CPLANE1: variants seen among roughly 807,000 people sequenced by gnomAD.
The protein encoded by CPLANE1 is ciliogenesis and planar polarity effector 1.
In CPLANE1, 263 loss-of-function variants were observed where a neutral mutation model predicts 362.5. That is an observed-to-expected ratio of 0.73 (90% confidence interval 0.66 to 0.80). CPLANE1 has a LOEUF of 0.80. Ranked by LOEUF, CPLANE1 falls within the 30% of genes least tolerant of loss-of-function variation. The pLI is 0.00. For missense variants in CPLANE1, 3,461 were observed against 3,793.4 expected (o/e 0.91, Z 2.30); for synonymous variants, 1,212 against 1,302.6 (o/e 0.93, Z 1.50).
the CPLANE1 span, among the ~76,000 whole-genome samples, chr5:37,092,691 C>T: frequency 7.5e-4 from 115 of 152,336 alleles, no homozygotes; most frequent in African/African-American, 2.7e-3. Context: ...AAGTAAATTC[C>T]ATGCCACCTC....
chr5:37,242,326 C>G (rs1800742576), intron 6 of CPLANE1, among the ~76,000 whole-genome samples: 1 of 151,908 alleles, frequency 6.6e-6, no homozygotes, highest in Non-Finnish European at 1.5e-5. Context: ...TGCACTCCAG[C>G]CTGGGCGACA....
intron 46 of CPLANE1, 50 bp from the exon 47 acceptor site, chr5:37,125,459 A>G: frequency 1.1e-6 from 1 of 936,874 alleles, no homozygotes; most frequent in Non-Finnish European, 1.5e-6. Flanking sequence ...TTTGTTAAGC[A>G]GATAAGATAT....
chr5:37,229,340 T>C (rs1797185793), intron 9 of CPLANE1, among the ~76,000 whole-genome samples: 1 of 150,478 alleles, frequency 6.6e-6, no homozygotes. Flanking sequence ...GATCACAAGG[T>C]CAGTTTGAGA....
chr5:37,168,963 T>G lies in CPLANE1; in HGVS notation c.7061A>C (p.His2354Pro), dbSNP rs1580365486. The stretch of plus-strand genomic sequence containing the variant: ...TAGTAACGGAAGTCCAAAGGAATGG[T>G]GAGGAGATATCTCAAGGGTCCCTGG... ...VKPGTLEISP[H>P]HSFGLPLLYL... The change falls in exon 34 of 53, where the codon CAC (histidine) becomes CCC (proline). Residue 2354 changes from histidine (H) to proline (P), a missense_variant. By Grantham distance (77) the His-to-Pro change is moderately conservative (BLOSUM62 -2). This residue lies in a region of CPLANE1 where 3,380 missense variants were observed against 3,666.1 expected (regional missense o/e 0.92). Coordinates refer to ENST00000651892, the MANE Select transcript of CPLANE1 (RefSeq NM_001384732.1). 6.2e-7 allele frequency: 1 copy of G among 1,614,150 alleles called. No homozygotes were observed. Among genetic ancestry groups the G allele is most frequent in the Non-Finnish European group, 8.5e-7 (1 of 1,180,024 alleles).
At chr5:37,135,487 T>C (rs1258923466) in intron 46 of CPLANE1, among the ~76,000 whole-genome samples, 1 of 152,092 alleles carries the variant, frequency 6.6e-6, no homozygotes, top group Non-Finnish European at 1.5e-5. Context: ...CTTCTCCACA[T>C]GGTGGCAGGA....
intron 14 of CPLANE1, among the ~76,000 whole-genome samples, chr5:37,223,800 G>A (rs749466046): frequency 3.9e-5 from 6 of 152,112 alleles, no homozygotes; most frequent in Admixed American, 1.3e-4. Context: ...GTAAGAAGGT[G>A]GTGAAATATA....
At chr5:37,153,265 C>T (rs939052100) in intron 42 of CPLANE1, among the ~76,000 whole-genome samples, 2 of 152,040 alleles carry the variant, frequency 1.3e-5, no homozygotes, top group African/African-American at 4.8e-5. Flanking sequence ...GGGAAGATGG[C>T]TTCACTGAAT....
At chr5:37,173,688 T>G in intron 32 of CPLANE1, 67 bp downstream of exon 32, 2 of 1,264,426 alleles carry the variant, frequency 1.6e-6, no homozygotes, top group South Asian at 2.8e-5. Flanking sequence ...TGGAAATCTA[T>G]TAATATTTTA....
chr5:37,163,818 T>C (rs1184864084), intron 37 of CPLANE1, among the ~76,000 whole-genome samples: 2 of 152,144 alleles, frequency 1.3e-5, no homozygotes, highest in Non-Finnish European at 2.9e-5. Flanking sequence ...CAGCCCCCAA[T>C]TCACTCATCC....
At chr5:37,181,347 G>C (rs551517499) in intron 26 of CPLANE1, among the ~76,000 whole-genome samples, 18 of 152,292 alleles carry the variant, frequency 1.2e-4, no homozygotes, top group African/African-American at 4.3e-4. Context: ...ACATTCAGTA[G>C]TTATTTCAAA....
At chr5:37,183,771 T>A in intron 25 of CPLANE1, 72 bp from the exon 26 acceptor site, 2 of 1,062,488 alleles carry the variant, frequency 1.9e-6, no homozygotes, top group Non-Finnish European at 2.7e-6. Flanking sequence ...AGAATTGACA[T>A]GGAAAATTCT....
At chr5:37,089,678 T>C in the CPLANE1 span, among the ~76,000 whole-genome samples, 3 of 152,218 alleles carry the variant, frequency 2.0e-5, no homozygotes, top group African/African-American at 7.2e-5. Flanking sequence ...CCACGGCGAT[T>C]CCTCAAGATT....
chr5:37,178,655 A>C (rs1304414373), intron 29 of CPLANE1, among the ~76,000 whole-genome samples: 1 of 152,228 alleles, frequency 6.6e-6, no homozygotes, highest in East Asian at 1.9e-4. Flanking sequence ...CAATAATTGG[A>C]AATGTCTATG....
At chr5:37,143,054 G>A (rs1770280049) in intron 43 of CPLANE1, among the ~76,000 whole-genome samples, 1 of 152,166 alleles carries the variant, frequency 6.6e-6, no homozygotes, top group Admixed American at 6.5e-5. Flanking sequence ...TCAACTTTGA[G>A]AAATCAACAC....
At chr5:37,159,094 CTTTTTTTTTTTTTTT>C (rs34035923) in intron 38 of CPLANE1, among the ~76,000 whole-genome samples, 2 of 59,788 alleles carry the variant, frequency 3.3e-5, no homozygotes, top group South Asian at 1.3e-3. Flanking sequence ...AATTCACATT[CTTTTTTTTTTTTTTT>C]TTTTTTTTTT....
chr5:37,162,684 A>AT (rs1184706836), intron 37 of CPLANE1, 118 bp from the exon 38 acceptor site: 41,755 of 488,604 alleles, frequency 0.085, 8 homozygotes, highest in East Asian at 0.11. Flanking sequence ...ATGTTATTAA[A>AT]TTTTTTTTTT....
rs375070086 is a variant in CPLANE1, at chr5:37,138,422, C to A, written c.8792+298G>T. 2.9e-3 allele frequency: 1,324 copies of A among 462,314 alleles called. 26 individuals are homozygous for A. The highest frequency in any genetic ancestry group is 0.023 in the South Asian group (1,287 of 56,570). The allele number at this position is 462,314 out of a possible 1,614,324, so 28.6% of individuals were successfully genotyped here. On this transcript the variant is annotated intron_variant, in intron 46 of 52. Coordinates refer to ENST00000651892, the MANE Select transcript of CPLANE1 (RefSeq NM_001384732.1). ...AAGCCTATTTAAAATGTATTCTAAG[C>A]GTTAATTTTTGGGTAAAGTGCTATG...
chr5:37,126,251 A>G (rs1177890848), intron 46 of CPLANE1, among the ~76,000 whole-genome samples: 1 of 152,076 alleles, frequency 6.6e-6, no homozygotes, highest in East Asian at 1.9e-4. Context: ...AAACAAAAAA[A>G]TTGTAACACA....
intron 9 of CPLANE1, among the ~76,000 whole-genome samples, chr5:37,229,948 G>A (rs1264938391): frequency 2.0e-5 from 3 of 152,102 alleles, no homozygotes; most frequent in Non-Finnish European, 2.9e-5. Context: ...AGGCCAAGGC[G>A]GGTGGATCAC....
Sources: gnomAD v4.1 joint callset for allele counts (sites outside exome capture counted in the v4.1 genomes callset) on GRCh38, gnomAD v4.1.1 for gene constraint, gnomAD v4.1.1 regional missense constraint, MANE v1.5 for transcripts, NCBI Gene and HGNC (gene_info 2026-07-23, HGNC 2026-07-21) for gene names.